Variants in NIN observed in about 807,000 individuals in gnomAD.
NIN encodes glycogen synthase kinase 3 beta-interacting protein.
In NIN, 137 loss-of-function variants were observed where a neutral mutation model predicts 257.6. That is an observed-to-expected ratio of 0.53 (90% CI 0.46 to 0.61). NIN has a LOEUF of 0.61. Among genes scored for constraint, NIN ranks in the 20% least tolerant of loss-of-function variants. The pLI is 0.00. For synonymous variants in NIN, 918 were observed against 919.8 expected, an observed-to-expected ratio of 1.00 and a Z score of 0.04; for missense variants, 2,439 against 2,501.2, an observed-to-expected ratio of 0.98 and a Z score of 0.53.
At chr14:50,764,111 A>G in intron 14 of NIN, 147 bp from the exon 15 acceptor site, 1 of 655,932 alleles carries the variant, frequency 1.5e-6, no homozygotes, top group Non-Finnish European at 2.6e-6. Context: ...TGTTTTGCAA[A>G]TTAAGTATCT....
chr14:50,796,859 T>C, intron 4 of NIN, among the ~76,000 whole-genome samples: 1 of 152,180 alleles, frequency 6.6e-6, no homozygotes, highest in East Asian at 1.9e-4. Context: ...AACTGACCAC[T>C]GCACCAGATC....
At position 50,758,207 on chromosome 14, in the gene NIN, C is replaced by T; in HGVS notation, c.2823G>A (p.Lys941=). 6.2e-7 allele frequency: 1 copy of T among 1,614,218 alleles called. No homozygotes were observed. The highest frequency in any genetic ancestry group is 1.7e-5 in the Admixed American group (1 of 60,028). ...CCCTCAGTTCCCTTTTGTGACTGCT[C>T]TTCAGCTCAAGTATCTGGTCAGACA... ...SLLSDQILEL[K]SSHKRELRER... is the part of the protein sequence containing the mutation. Residue 941 remains lysine, a synonymous_variant, in exon 18 of 31, where the codon AAG becomes AAA. Transcript: ENST00000530997.
intron 11 of NIN, 90 bp downstream of exon 11, chr14:50,770,762 C>A: frequency 6.8e-7 from 1 of 1,465,984 alleles, no homozygotes; most frequent in East Asian, 2.3e-5. Context: ...AGAAGAGTCC[C>A]CAGTGCACTG....
intron 2 of NIN, among the ~76,000 whole-genome samples, chr14:50,828,061 A>C (rs2045544488): frequency 6.6e-6 from 1 of 151,864 alleles, no homozygotes; most frequent in African/African-American, 2.4e-5. Flanking sequence ...TCAACTACTA[A>C]GTAAATTACA....
Position 50,807,881 on chromosome 14 carries a change from T to C in NIN, c.184-1063A>G, listed in dbSNP as rs371009937. Among the ~76,000 whole-genome samples, 30 of 152,314 alleles carry C rather than the reference T, an allele frequency of 2.0e-4. No homozygotes were observed. In the South Asian group the frequency reaches 5.6e-3, roughly 28 times the overall value. ...GTCATAAAATTGTATCTCCTTGCAA[T>C]TTACCACACTCTTCCAAAGTATATG... On this transcript the variant is annotated intron_variant, in intron 3 of 30. Coordinates refer to ENST00000530997, the MANE Select transcript of NIN (RefSeq NM_020921.4).
chr14:50,753,388 G>A (rs1369029991), intron 20 of NIN, among the ~76,000 whole-genome samples: 3 of 152,066 alleles, frequency 2.0e-5, no homozygotes, highest in African/African-American at 7.2e-5. Flanking sequence ...CAACAAGAGC[G>A]AAACTCCGTC....
At chr14:50,750,679 CAGTT>C (rs1344370354) in intron 21 of NIN, among the ~76,000 whole-genome samples, 1 of 152,182 alleles carries the variant, frequency 6.6e-6, no homozygotes, top group Non-Finnish European at 1.5e-5. Context: ...ATTTATAACA[CAGTT>C]AGGCTCATCT....
At chr14:50,804,723 T>C (rs2044244715) in intron 4 of NIN, among the ~76,000 whole-genome samples, 1 of 152,124 alleles carries the variant, frequency 6.6e-6, no homozygotes, top group Non-Finnish European at 1.5e-5. Flanking sequence ...TTGGCTTCCC[T>C]TGGCTACACT....
At chr14:50,806,699 T>A in intron 4 of NIN, 38 bp downstream of exon 4, 1 of 1,180,812 alleles carries the variant, frequency 8.5e-7, no homozygotes, top group Non-Finnish European at 1.2e-6. Context: ...GGACAACTTT[T>A]AAAGGGGAAG....
rs772922695 is a variant in NIN, at chr14:50,758,381, C to G, written c.2649G>C (p.Glu883Asp). 2 of 1,613,956 alleles carry G rather than the reference C, an allele frequency of 1.2e-6. No individual in the cohort carries two copies. ...GGGTCAGGACCAGAGAAGTTGTTTT[C>G]TCTCTCTTAAGAGTCTCTTTCAGCA... Reference protein sequence around the residue: ...QELLKETLKREKTTSLVLTQE... With the variant: ...QELLKETLKRDKTTSLVLTQE... Residue 883 changes from glutamate to aspartate, a missense_variant, in exon 18 of 31, where the codon GAG becomes GAC. Physicochemically the swap from Glu to Asp is conservative, Grantham distance 45 (BLOSUM62 2). Transcript: ENST00000530997.
chr14:50,813,055 C>A (rs1484190068), intron 3 of NIN, among the ~76,000 whole-genome samples: 2 of 152,124 alleles, frequency 1.3e-5, no homozygotes, highest in Non-Finnish European at 2.9e-5. Context: ...GTGGAGGAGG[C>A]GACCGCTATT....
At chr14:50,815,824 A>G (rs144491456) in intron 3 of NIN, among the ~76,000 whole-genome samples, 73 of 152,298 alleles carry the variant, frequency 4.8e-4, no homozygotes, top group African/African-American at 1.7e-3. Flanking sequence ...CCTGGCCAAC[A>G]TGGAGAAAGC....
intron 7 of NIN, among the ~76,000 whole-genome samples, chr14:50,775,636 G>A (rs1461189690): frequency 2.6e-5 from 4 of 152,130 alleles, no homozygotes; most frequent in African/African-American, 9.7e-5. Flanking sequence ...TCAGGCCAGA[G>A]GAAAATAACT....
intron 4 of NIN, among the ~76,000 whole-genome samples, chr14:50,797,453 T>A (rs2043891996): frequency 6.6e-6 from 1 of 152,124 alleles, no homozygotes. Flanking sequence ...CATGTTACAT[T>A]GCTGCTGAGC....
chr14:50,725,528 C>A (rs2040375499), intron 30 of NIN, among the ~76,000 whole-genome samples: 1 of 151,920 alleles, frequency 6.6e-6, no homozygotes, highest in Admixed American at 6.6e-5. Flanking sequence ...TTTATTATCC[C>A]CCTATTTTTT....
intron 28 of NIN, among the ~76,000 whole-genome samples, chr14:50,734,053 C>T (rs1206416715): frequency 1.3e-5 from 2 of 151,588 alleles, no homozygotes; most frequent in Non-Finnish European, 2.9e-5. Flanking sequence ...AAAGAAAATA[C>T]TTAAATAGCT....
Position 50,741,587 on chromosome 14 carries a change from C to T in NIN, c.5443G>A (p.Gly1815Ser), listed in dbSNP as rs760009965. ...ATAAAAAAAGAACAAATCACCTTGC[C>T]ACCAGCATTCTGAAGTTGCTTATGT... The part of the protein sequence containing the change: ...SLHKQLQNAG[G>S]KSWAPEIATH... Residue 1815 changes from glycine to serine, a missense_variant, in exon 25 of 31, where the codon GGC becomes AGC. Transcript: ENST00000530997. 8.7e-6 allele frequency: 14 copies of T among 1,613,078 alleles called. No homozygotes were observed. The highest frequency in any genetic ancestry group is 7.7e-5 in the South Asian group (7 of 90,970).
intron 5 of NIN, among the ~76,000 whole-genome samples, chr14:50,789,818 G>T (rs1191742930): frequency 3.3e-5 from 5 of 152,132 alleles, no homozygotes; most frequent in Middle Eastern, 3.2e-3. Context: ...AACTTCTATA[G>T]GCCAACAGAA....
chr14:50,760,583 C>T (rs1331076026), intron 16 of NIN, among the ~76,000 whole-genome samples: 1 of 151,848 alleles, frequency 6.6e-6, no homozygotes, highest in African/African-American at 2.4e-5. Flanking sequence ...TTATTAGTGT[C>T]TGAACAACCT....
Sources: gnomAD v4.1 joint callset for allele counts (sites outside exome capture counted in the v4.1 genomes callset) on GRCh38, gnomAD v4.1.1 for gene constraint, MANE v1.5 for transcripts, NCBI Gene and HGNC (gene_info 2026-07-23, HGNC 2026-07-21) for gene names.